The following STAG1 variants were observed in gnomAD, a reference collection of about 807,000 sequenced individuals.
STAG1 encodes the protein cohesin subunit SA-1.
In STAG1, 26 loss-of-function variants were observed where a neutral mutation model predicts 170.9. The ratio of observed to expected loss-of-function variants is 0.15; its 90% CI spans 0.11 to 0.21. The LOEUF (loss-of-function observed/expected upper bound fraction) is 0.21. Among genes scored for constraint, STAG1 ranks in the 10% least tolerant of loss-of-function variants. STAG1 has a pLI of 1.00. For synonymous variants in STAG1, 514 were observed against 497.7 expected (o/e 1.03, Z -0.44); for missense variants, 964 against 1,509.5 (o/e 0.64, Z 5.99).
At chr3:136,420,939 A>T (rs748609191) in intron 20 of STAG1, among the ~76,000 whole-genome samples, 154 bp downstream of exon 20, 1 of 152,104 alleles carries the variant, frequency 6.6e-6, no homozygotes, top group Admixed American at 6.5e-5. Context: ...GGACACTCTC[A>T]TGCCCAATTT....
At chr3:136,598,433 TTC>T (rs1199877040) in intron 4 of STAG1, among the ~76,000 whole-genome samples, 1 of 151,880 alleles carries the variant, frequency 6.6e-6, no homozygotes, top group African/African-American at 2.4e-5. Flanking sequence ...TTTTTTTTTT[TTC>T]TTTTTTTTTG....
intron 1 of STAG1, among the ~76,000 whole-genome samples, chr3:136,704,580 C>A (rs1404395309): frequency 6.6e-6 from 1 of 151,888 alleles, no homozygotes; most frequent in African/African-American, 2.4e-5. Context: ...GTAATCCCAG[C>A]ACTTTGGGAG....
chr3:136,594,144 C>G (rs1938312840), intron 4 of STAG1, among the ~76,000 whole-genome samples: 1 of 152,132 alleles, frequency 6.6e-6, no homozygotes, highest in African/African-American at 2.4e-5. Context: ...ATGTAACTGT[C>G]AGTTCTAACA....
At chr3:136,502,843 T>C in intron 7 of STAG1, 64 bp from the exon 8 acceptor site, 12 of 1,283,852 alleles carry the variant, frequency 9.3e-6, no homozygotes, top group Non-Finnish European at 1.1e-5. Context: ...AGATTACAAA[T>C]TTATAAAGCC....
intron 3 of STAG1, among the ~76,000 whole-genome samples, chr3:136,614,565 T>C (rs1939484595): frequency 6.6e-6 from 1 of 152,242 alleles, no homozygotes; most frequent in Non-Finnish European, 1.5e-5. Context: ...TCACTGTTCC[T>C]ATATAAAAAT....
At chr3:136,402,690 G>A (rs1274351520) in intron 21 of STAG1, among the ~76,000 whole-genome samples, 2 of 151,406 alleles carry the variant, frequency 1.3e-5, no homozygotes, top group East Asian at 2.0e-4. Flanking sequence ...AAATTACCGG[G>A]TGTGGTGGCA....
intron 14 of STAG1, among the ~76,000 whole-genome samples, chr3:136,448,390 T>C (rs1349273817): frequency 1.3e-5 from 2 of 152,132 alleles, no homozygotes; most frequent in Non-Finnish European, 2.9e-5. Context: ...CTCACAATCA[T>C]GGCAGAAGAT....
intron 1 of STAG1, among the ~76,000 whole-genome samples, chr3:136,748,092 TA>T (rs1448342880): frequency 6.8e-6 from 1 of 147,812 alleles, no homozygotes; most frequent in Non-Finnish European, 1.5e-5. Flanking sequence ...ATGTAATTTT[TA>T]AAAAATAAAA....
chr3:136,389,835 TTC>T (rs2086960723), intron 22 of STAG1, among the ~76,000 whole-genome samples: 1 of 150,474 alleles, frequency 6.6e-6, no homozygotes, highest in African/African-American at 2.4e-5. Flanking sequence ...CTATTTTTTT[TTC>T]TTTTTTTTTT....
intron 3 of STAG1, among the ~76,000 whole-genome samples, chr3:136,611,657 GCTTTT>G: frequency 9.7e-6 from 1 of 103,078 alleles, no homozygotes; most frequent in Non-Finnish European, 1.9e-5. Flanking sequence ...ACCACACCCA[GCTTTT>G]TTTTTTTTTT....
At chr3:136,574,583 A>G (rs1192418052) in intron 4 of STAG1, among the ~76,000 whole-genome samples, 2 of 152,152 alleles carry the variant, frequency 1.3e-5, no homozygotes, top group Non-Finnish European at 1.5e-5. Flanking sequence ...ATGCTACCAA[A>G]CATAAAGAGA....
intron 28 of STAG1, among the ~76,000 whole-genome samples, chr3:136,352,076 A>G (rs1030832663): frequency 2.0e-5 from 3 of 152,238 alleles, no homozygotes; most frequent in Non-Finnish European, 4.4e-5. Flanking sequence ...CGAGAAAATA[A>G]TATCAACCTC....
intron 4 of STAG1, among the ~76,000 whole-genome samples, chr3:136,578,276 T>C (rs971745943): frequency 6.6e-6 from 1 of 152,176 alleles, no homozygotes; most frequent in Non-Finnish European, 1.5e-5. Flanking sequence ...GCAAATTGTC[T>C]ATAAAGGGCA....
At chr3:136,750,312 C>A (rs1045972633) in intron 1 of STAG1, among the ~76,000 whole-genome samples, 2 of 152,102 alleles carry the variant, frequency 1.3e-5, no homozygotes, top group African/African-American at 4.8e-5. Context: ...CTGGGCCCAG[C>A]TCCCCATTTT....
At chr3:136,421,549 A>G (rs1304784684) in intron 19 of STAG1, among the ~76,000 whole-genome samples, 1 of 152,186 alleles carries the variant, frequency 6.6e-6, no homozygotes, top group Non-Finnish European at 1.5e-5. Context: ...GTAAGTTTCA[A>G]TAGTAGGAAA....
chr3:136,355,485 C>A (rs1336983267), intron 28 of STAG1, among the ~76,000 whole-genome samples: 1 of 151,734 alleles, frequency 6.6e-6, no homozygotes, highest in Admixed American at 6.6e-5. Flanking sequence ...CTTCAATATC[C>A]CACTTTCAAT....
At chr3:136,613,675 T>C (rs935463633) in intron 3 of STAG1, among the ~76,000 whole-genome samples, 4 of 152,056 alleles carry the variant, frequency 2.6e-5, no homozygotes, top group Non-Finnish European at 4.4e-5. Context: ...TTAGTAGAGA[T>C]AGGGTTTCAC....
At chr3:136,733,079 C>G (rs145831189) in intron 1 of STAG1, among the ~76,000 whole-genome samples, 86 of 150,094 alleles carry the variant, frequency 5.7e-4, no homozygotes, top group African/African-American at 2.1e-3. Flanking sequence ...GTGGTTAAAA[C>G]CTAACTTTTT....
At chr3:136,583,801 A>G (rs1468568414) in intron 4 of STAG1, among the ~76,000 whole-genome samples, 2 of 152,152 alleles carry the variant, frequency 1.3e-5, no homozygotes, top group East Asian at 3.9e-4. Flanking sequence ...AAGGAGATTT[A>G]AAAAACAAAA....
Sources: allele counts gnomAD v4.1 joint callset (sites outside exome capture counted in the v4.1 genomes callset), GRCh38; gene constraint gnomAD v4.1.1; transcripts MANE v1.5; gene names NCBI Gene and HGNC (gene_info 2026-07-23, HGNC 2026-07-21).